Variants in UBE2L3 observed in about 807,000 individuals in gnomAD.
The protein encoded by UBE2L3 is ubiquitin conjugating enzyme E2 L3.
In UBE2L3, 1 loss-of-function variant was observed where a neutral mutation model predicts 17.8. That is an observed-to-expected ratio of 0.06 (90% CI 0.02 to 0.27). The LOEUF (loss-of-function observed/expected upper bound fraction) is 0.27, where lower values mean the gene tolerates loss of function less well. Ranked by LOEUF, UBE2L3 falls within the 10% of genes least tolerant of loss-of-function variation. The pLI, the probability that UBE2L3 is intolerant of heterozygous loss-of-function variation, is 1.00. For missense variants in UBE2L3, 40 were observed against 192.6 expected (o/e 0.21, Z 4.69); for synonymous variants, 44 against 68.5 (o/e 0.64, Z 1.76).
chr22:21,611,158 A>T (rs1013205038), intron 3 of UBE2L3, 115 bp downstream of exon 3: 1 of 1,234,524 alleles, frequency 8.1e-7, no homozygotes, highest in Admixed American at 3.0e-5. Flanking sequence ...GTACACGAAA[A>T]ATGTAGCTGA....
chr22:21,610,501 G>C (rs1052728687), intron 2 of UBE2L3, among the ~76,000 whole-genome samples: 2 of 152,214 alleles, frequency 1.3e-5, no homozygotes, highest in African/African-American at 4.8e-5. Flanking sequence ...TCTGGTGAGG[G>C]ATGCTGATAG....
At chr22:21,617,513 C>T (rs1409955370) in intron 3 of UBE2L3, among the ~76,000 whole-genome samples, 1 of 152,104 alleles carries the variant, frequency 6.6e-6, no homozygotes, top group Non-Finnish European at 1.5e-5. Flanking sequence ...ACAGTCTGCC[C>T]ACTTCGGCTT....
chr22:21,562,891 G>T (rs1457843736), upstream of UBE2L3, among the ~76,000 whole-genome samples: 1 of 151,916 alleles, frequency 6.6e-6, no homozygotes, highest in Non-Finnish European at 1.5e-5. Context: ...GGAATAGCAT[G>T]TGGTCAATGG....
intron 3 of UBE2L3, among the ~76,000 whole-genome samples, chr22:21,613,733 G>A (rs1241704239): frequency 6.6e-6 from 1 of 152,172 alleles, no homozygotes. Flanking sequence ...TCATTCCTGG[G>A]GTCACTCATG....
intron 1 of UBE2L3, among the ~76,000 whole-genome samples, chr22:21,571,776 G>C (rs1198272804): frequency 6.6e-6 from 1 of 152,168 alleles, no homozygotes. Flanking sequence ...ATAGTAGGAG[G>C]AACCTCTAAA....
chr22:21,604,835 C>T (rs530235276), intron 2 of UBE2L3, among the ~76,000 whole-genome samples: 2 of 152,316 alleles, frequency 1.3e-5, no homozygotes, highest in South Asian at 4.1e-4. Flanking sequence ...ATCCACAGAT[C>T]CCCAGACTAG....
intron 1 of UBE2L3, among the ~76,000 whole-genome samples, chr22:21,589,187 C>A (rs977097838): frequency 7.0e-6 from 1 of 142,228 alleles, no homozygotes; most frequent in African/African-American, 2.6e-5. Flanking sequence ...GCTCTGTCAC[C>A]CAGGCTGGAG....
In UBE2L3 at chr22:21,559,084, C is replaced by T. The variant is rs1211040117; in HGVS notation, c.201+9434C>T. ...AAGTGAAGCTGGACATGGTGGCCCA[C>T]GCCTCTAATCTCAGCAGTTTGGGAG... is the stretch of plus-strand genomic sequence containing the variant. On this transcript the variant is annotated intron_variant, in intron 1 of 3. Coordinates refer to the UBE2L3 transcript ENST00000458578. Among the ~76,000 whole-genome samples, 42 of 151,626 alleles carry T rather than the reference C, an allele frequency of 2.8e-4. 1 individual carries two copies. The East Asian group carries it at 3.5e-3, about 13-fold the overall frequency.
intron 1 of UBE2L3, among the ~76,000 whole-genome samples, chr22:21,578,800 G>C (rs1927462836): frequency 6.6e-6 from 1 of 152,056 alleles, no homozygotes; most frequent in African/African-American, 2.4e-5. Flanking sequence ...CTGAGAAGGA[G>C]TGTGCTGTAA....
intron 1 of UBE2L3, among the ~76,000 whole-genome samples, chr22:21,578,552 G>A (rs758907759): frequency 7.2e-4 from 109 of 152,028 alleles, no homozygotes; most frequent in Non-Finnish European, 1.2e-3. Flanking sequence ...GTCTGGTAGG[G>A]GGGTGCTGGA....
chr22:21,558,154 G>A (rs1206515783), intron 1 of UBE2L3, among the ~76,000 whole-genome samples: 8 of 150,544 alleles, frequency 5.3e-5, no homozygotes, highest in African/African-American at 1.2e-4. Flanking sequence ...TTCTCCTGCC[G>A]GCATGGCCTG....
At position 21,567,766 on chromosome 22, in the gene UBE2L3, A is replaced by T; in HGVS notation, c.22A>T (p.Met8Leu). 6.3e-7 allele frequency: 1 copy of T among 1,584,228 alleles called. No individual in the cohort carries two copies. The highest frequency in any genetic ancestry group is 8.6e-7 in the Non-Finnish European group (1 of 1,166,826). The change falls in exon 1 of 4, where the codon ATG (methionine) becomes TTG (leucine). Residue 8 changes from methionine to leucine, a missense_variant. Transcript: ENST00000342192. MAASRRLMKELEEIRKCG... is the reference protein window; with the variant it reads MAASRRLLKELEEIRKCG... Reference sequence around the variant, plus strand: ...CAAGATGGCGGCCAGCAGGAGGCTGATGAAGGTAAAAGCCATTCTCTGGCA... The same window carrying T: ...CAAGATGGCGGCCAGCAGGAGGCTGTTGAAGGTAAAAGCCATTCTCTGGCA...
chr22:21,621,958 A>C lies in UBE2L3; in HGVS notation c.*289A>C. The C allele has an allele frequency of 3.0e-6, 1 of 338,660 alleles. No homozygotes were observed. The highest frequency in any genetic ancestry group is 7.0e-5 in the East Asian group (1 of 14,202). The allele number at this position is 338,660 out of a possible 1,614,324, so 21.0% of individuals were successfully genotyped here. On this transcript the variant is annotated 3_prime_UTR_variant, in exon 4 of 4. Transcript: ENST00000342192. ...CTTTTCTTGTCCAATTTTATCCAAA[A>C]TCTTCAAGTTACATTTAACCCATAA...
upstream of UBE2L3, among the ~76,000 whole-genome samples, chr22:21,565,249 C>T (rs1401506556): frequency 2.6e-5 from 4 of 151,782 alleles, no homozygotes; most frequent in East Asian, 2.0e-4. Flanking sequence ...CCCGCCACCA[C>T]GCCCGGCTAA....
intron 3 of UBE2L3, among the ~76,000 whole-genome samples, chr22:21,612,838 C>T (rs539741083): frequency 3.2e-4 from 49 of 151,390 alleles, no homozygotes; most frequent in African/African-American, 9.9e-4. Context: ...GGTTTCACCA[C>T]GTTGACCAGG....
At chr22:21,592,814 G>C (rs1928334208) in intron 1 of UBE2L3, 47 bp from the exon 2 acceptor site, 1 of 1,440,314 alleles carries the variant, frequency 6.9e-7, no homozygotes, top group Non-Finnish European at 9.8e-7. Context: ...CTTAATATGT[G>C]GTGCTTTCCC....
At chr22:21,563,578 A>C (rs1345968181), upstream of UBE2L3, among the ~76,000 whole-genome samples, 1 of 131,756 alleles carries the variant, frequency 7.6e-6, no homozygotes. Context: ...AAAAATTAAT[A>C]CTTTTTTTTT....
chr22:21,564,863 G>T (rs1926573655), upstream of UBE2L3, among the ~76,000 whole-genome samples: 1 of 152,146 alleles, frequency 6.6e-6, no homozygotes, highest in Non-Finnish European at 1.5e-5. Context: ...AGACCCCAGA[G>T]TCAGTCCCAG....
chr22:21,591,319 G>C (rs1928252552), intron 1 of UBE2L3, among the ~76,000 whole-genome samples: 1 of 152,186 alleles, frequency 6.6e-6, no homozygotes. Flanking sequence ...CTATGTTCAG[G>C]CTCCACCCAC....
Sources: gnomAD v4.1 joint callset for allele counts (sites outside exome capture counted in the v4.1 genomes callset) on GRCh38, gnomAD v4.1.1 for gene constraint, MANE v1.5 for transcripts, NCBI Gene and HGNC (gene_info 2026-07-23, HGNC 2026-07-21) for gene names.